The following MAP3K7 variants were observed in gnomAD, a reference collection of about 807,000 sequenced individuals.
MAP3K7 encodes mitogen-activated protein kinase kinase kinase 7.
In MAP3K7, 21 loss-of-function variants were observed where a neutral mutation model predicts 84.8. That is an observed-to-expected ratio of 0.25 (90% CI 0.18 to 0.36). The LOEUF (loss-of-function observed/expected upper bound fraction) is 0.36. Ranked by LOEUF, MAP3K7 falls within the 10% of genes least tolerant of loss-of-function variation. The pLI is 1.00. For missense variants in MAP3K7, 503 were observed against 747.7 expected (o/e 0.67, Z 3.82); for synonymous variants, 241 against 247.7 (o/e 0.97, Z 0.25).
At chr6:90,573,318 T>C (rs1776966848) in intron 1 of MAP3K7, among the ~76,000 whole-genome samples, 1 of 152,176 alleles carries the variant, frequency 6.6e-6, no homozygotes, top group African/African-American at 2.4e-5. Flanking sequence ...AACAAATTCC[T>C]GGCACAAAAC....
Position 90,553,588 on chromosome 6 carries a change from TA to T in MAP3K7, c.608-3del. On this transcript the variant is annotated splice_polypyrimidine_tract_variant and splice_region_variant and intron_variant, in intron 6 of 16. Transcript: ENST00000369329. ...CACATTTTTCACTGTAATTACTACCTAGAAAAAAAAAAGGTAGTATATAACC... is the reference window on the plus strand; with the variant it reads ...CACATTTTTCACTGTAATTACTACCTGAAAAAAAAAAGGTAGTATATAACC... The T allele has an allele frequency of 6.3e-7, 1 of 1,587,628 alleles. No individual in the cohort carries two copies. The highest frequency in any genetic ancestry group is 8.5e-7 in the Non-Finnish European group (1 of 1,171,652).
At chr6:90,581,900 G>A (rs576983773) in intron 1 of MAP3K7, among the ~76,000 whole-genome samples, 27 of 152,242 alleles carry the variant, frequency 1.8e-4, no homozygotes, top group African/African-American at 6.3e-4. Context: ...AACTGTTTAA[G>A]TTCTATCTAT....
chr6:90,548,296 A>C, intron 9 of MAP3K7, 119 bp from the exon 10 acceptor site: 1 of 870,104 alleles, frequency 1.1e-6, no homozygotes, highest in Non-Finnish European at 1.7e-6. Context: ...ATAAAATAAG[A>C]CTTTTCAAGC....
chr6:90,515,840 A>G lies in MAP3K7; in HGVS notation c.*661T>C, dbSNP rs1774941010. Reference sequence around the variant, plus strand: ...TGAGTTCCATTTTGTTCAATGTATCACAATCAAATTTTAGTCTAACAAAAT... The same window carrying G: ...TGAGTTCCATTTTGTTCAATGTATCGCAATCAAATTTTAGTCTAACAAAAT... On this transcript the variant is annotated 3_prime_UTR_variant, in exon 17 of 17. Coordinates refer to ENST00000369329, the MANE Select transcript of MAP3K7 (RefSeq NM_145331.3). The G allele has an allele frequency of 6.6e-6, 1 of 152,328 alleles. No homozygotes were observed. The highest frequency in any genetic ancestry group is 2.4e-5 in the African/African-American group (1 of 41,420). 9.4% of individuals were successfully genotyped at this position (152,328 alleles called of 1,614,324 possible).
intron 11 of MAP3K7, among the ~76,000 whole-genome samples, chr6:90,545,125 A>G (rs1220344204): frequency 1.4e-5 from 2 of 146,986 alleles, no homozygotes; most frequent in African/African-American, 2.4e-5. Flanking sequence ...TTATTGAATC[A>G]AAGTGTGAAA....
chr6:90,571,815 A>G lies in MAP3K7; in HGVS notation c.121-8T>C. 6.6e-7 allele frequency: 1 copy of G among 1,504,574 alleles called. No homozygotes were observed. Among genetic ancestry groups the G allele is most frequent in the Non-Finnish European group, 9.1e-7 (1 of 1,103,298 alleles). 93.2% of individuals were successfully genotyped at this position (1,504,574 alleles called of 1,614,324 possible). On this transcript the variant is annotated splice_polypyrimidine_tract_variant and splice_region_variant and intron_variant, in intron 1 of 16. Transcript: ENST00000369329. ...GGCTCCTCTTCCAACAACCTGAGTTAAACAAACAAACAAAAAACAAACAAA... is the reference window on the plus strand; with the variant it reads ...GGCTCCTCTTCCAACAACCTGAGTTGAACAAACAAACAAAAAACAAACAAA...
At chr6:90,545,652 T>TA (rs1478372638) in intron 11 of MAP3K7, among the ~76,000 whole-genome samples, 6 of 152,148 alleles carry the variant, frequency 3.9e-5, no homozygotes, top group African/African-American at 1.2e-4. Flanking sequence ...CAGTGGCTGG[T>TA]GACTTCTACT....
chr6:90,536,517 T>G, intron 12 of MAP3K7, 116 bp from the exon 13 acceptor site: 1 of 693,716 alleles, frequency 1.4e-6, no homozygotes, highest in Admixed American at 2.7e-5. Context: ...ACAAAATGTT[T>G]GTGGGGAAAA....
intron 9 of MAP3K7, among the ~76,000 whole-genome samples, chr6:90,550,078 C>T (rs1776132359): frequency 6.6e-6 from 1 of 152,010 alleles, no homozygotes; most frequent in Non-Finnish European, 1.5e-5. Flanking sequence ...AAATCAGAGC[C>T]TCTGTAGAAG....
chr6:90,586,710 G>GAGGCGGGGGCGGGGC, intron 1 of MAP3K7, 54 bp downstream of exon 1: 1 of 1,543,024 alleles, frequency 6.5e-7, no homozygotes, highest in Non-Finnish European at 8.7e-7. Context: ...GCACCAGGCA[G>GAGGCGGGGGCGGGGC]AGGCGGGGGC....
At chr6:90,519,151 AG>A in intron 15 of MAP3K7, 106 bp downstream of exon 15, 1 of 695,088 alleles carries the variant, frequency 1.4e-6, no homozygotes, top group Non-Finnish European at 2.5e-6. Flanking sequence ...GCCAACTAAA[AG>A]GATAAATTAA....
chr6:90,577,493 T>G (rs1157432443), intron 1 of MAP3K7, among the ~76,000 whole-genome samples: 3 of 131,416 alleles, frequency 2.3e-5, no homozygotes, highest in Admixed American at 7.7e-5. Context: ...TAACCAAAAA[T>G]AATATGGAGA....
At chr6:90,552,404 C>T (rs1445889746) in intron 7 of MAP3K7, among the ~76,000 whole-genome samples, 1 of 152,106 alleles carries the variant, frequency 6.6e-6, no homozygotes, top group Non-Finnish European at 1.5e-5. Flanking sequence ...TGATAGAAAG[C>T]AAGCAAGCAA....
At chr6:90,547,186 G>T in intron 11 of MAP3K7, 72 bp downstream of exon 11, 2 of 1,545,618 alleles carry the variant, frequency 1.3e-6, no homozygotes, top group South Asian at 2.4e-5. Flanking sequence ...AAAAACCTTT[G>T]ACAACTGAAA....
chr6:90,582,447 A>G (rs1354121694), intron 1 of MAP3K7, among the ~76,000 whole-genome samples: 1 of 152,190 alleles, frequency 6.6e-6, no homozygotes, highest in African/African-American at 2.4e-5. Context: ...GCTGAAGGAG[A>G]GACACAATTT....
At chr6:90,553,390 G>A in intron 7 of MAP3K7, 68 bp downstream of exon 7, 3 of 1,382,870 alleles carry the variant, frequency 2.2e-6, no homozygotes, top group Non-Finnish European at 3.0e-6. Flanking sequence ...TTTAGGGAAG[G>A]GGACAGGAGT....
At chr6:90,517,941 C>T (rs949392509) in intron 16 of MAP3K7, among the ~76,000 whole-genome samples, 2 of 151,628 alleles carry the variant, frequency 1.3e-5, no homozygotes, top group Non-Finnish European at 3.0e-5. Context: ...AAGATACATA[C>T]ATATTTAAGA....
intron 3 of MAP3K7, among the ~76,000 whole-genome samples, chr6:90,568,257 A>G (rs892908676): frequency 4.6e-5 from 7 of 152,134 alleles, no homozygotes; most frequent in Non-Finnish European, 7.4e-5. Flanking sequence ...ATAAATACAT[A>G]AAGAGAAAGA....
intron 1 of MAP3K7, among the ~76,000 whole-genome samples, chr6:90,582,649 C>G (rs953729292): frequency 6.6e-6 from 1 of 152,146 alleles, no homozygotes; most frequent in Admixed American, 6.5e-5. Context: ...ATCTTAGTGA[C>G]TTTCCCAACC....
Sources: gnomAD v4.1 joint callset for allele counts (sites outside exome capture counted in the v4.1 genomes callset) on GRCh38, gnomAD v4.1.1 for gene constraint, MANE v1.5 for transcripts, NCBI Gene and HGNC (gene_info 2026-07-23, HGNC 2026-07-21) for gene names.